Variants in MACROD2 observed in about 807,000 individuals in gnomAD.
MACROD2 encodes the protein ADP-ribose glycohydrolase MACROD2.
MACROD2 carries 36 observed loss-of-function variants against 70.4 expected under a neutral mutation model. The observed-to-expected ratio is 0.51, with a 90% CI of 0.39 to 0.68. The LOEUF (loss-of-function observed/expected upper bound fraction) is 0.68. Ranked by LOEUF, MACROD2 falls within the 30% of genes least tolerant of loss-of-function variation. MACROD2 has a pLI of 0.00. For synonymous variants in MACROD2, 172 were observed against 178.8 expected, an observed-to-expected ratio of 0.96 and a Z score of 0.30; for missense variants, 496 against 538.4, an observed-to-expected ratio of 0.92 and a Z score of 0.78.
In MACROD2 at chr20:15,891,561, T is replaced by C. The variant is rs1223969117; in HGVS notation, c.775+5750T>C. On this transcript the variant is annotated intron_variant, in intron 10 of 17. Coordinates refer to ENST00000684519, the MANE Select transcript of MACROD2 (RefSeq NM_001351661.2). ...GTTATGAGATGCTGGTCTGGGCTAC[T>C]GTGGTGATTCCAAAGGTTGAACACA... Among the ~76,000 whole-genome samples the C allele has an allele frequency of 3.9e-5, 6 of 152,206 alleles. No homozygotes were observed. The East Asian group carries it at 1.2e-3, about 29-fold the overall frequency.
chr20:15,850,467 C>T (rs960987794), intron 8 of MACROD2, among the ~76,000 whole-genome samples: 16 of 152,220 alleles, frequency 1.1e-4, no homozygotes, highest in African/African-American at 3.9e-4. Context: ...CTTAGACCCA[C>T]GGGAACATGA....
chr20:14,625,638 C>A (rs915643746), intron 4 of MACROD2, among the ~76,000 whole-genome samples: 1 of 152,158 alleles, frequency 6.6e-6, no homozygotes, highest in Non-Finnish European at 1.5e-5. Flanking sequence ...ACTGCTGTTG[C>A]CAAATGCCTA....
intron 5 of MACROD2, among the ~76,000 whole-genome samples, chr20:14,844,822 A>G (rs1029620100): frequency 2.6e-5 from 4 of 152,032 alleles, no homozygotes; most frequent in African/African-American, 9.7e-5. Flanking sequence ...TTCCCTGTGG[A>G]TTTTCTGAGT....
intron 3 of MACROD2, among the ~76,000 whole-genome samples, chr20:14,231,957 C>G (rs2081817706): frequency 6.6e-6 from 1 of 152,158 alleles, no homozygotes; most frequent in Admixed American, 6.5e-5. Context: ...AGTGTCTGTT[C>G]ATGTCCTTCT....
chr20:15,609,776 C>CA (rs1430497714), intron 8 of MACROD2, among the ~76,000 whole-genome samples: 3 of 152,166 alleles, frequency 2.0e-5, no homozygotes, highest in African/African-American at 7.2e-5. Flanking sequence ...AAAGGATCAG[C>CA]AGGGGTTAGG....
intron 5 of MACROD2, among the ~76,000 whole-genome samples, chr20:15,142,584 C>G (rs1282314161): frequency 6.6e-6 from 1 of 152,022 alleles, no homozygotes; most frequent in African/African-American, 2.4e-5. Flanking sequence ...CATATGTATA[C>G]ATGTGCCATG....
intron 7 of MACROD2, among the ~76,000 whole-genome samples, chr20:15,448,820 G>A (rs1485088332): frequency 6.6e-6 from 1 of 151,938 alleles, no homozygotes; most frequent in African/African-American, 2.4e-5. Context: ...TTTCTTATAG[G>A]ACATACAACC....
chr20:14,751,971 TG>T (rs1449225201), intron 5 of MACROD2, among the ~76,000 whole-genome samples: 2 of 152,040 alleles, frequency 1.3e-5, no homozygotes, highest in African/African-American at 4.8e-5. Context: ...CCTCTTCCTG[TG>T]GCTTCCATAA....
intron 8 of MACROD2, among the ~76,000 whole-genome samples, chr20:15,710,194 C>CAAAAAAA (rs67656339): frequency 1.4e-3 from 142 of 102,640 alleles, no homozygotes; most frequent in Non-Finnish European, 1.6e-3. Flanking sequence ...ATCAAAAAGA[C>CAAAAAAA]AAAAAAAAAA....
At chr20:14,984,465 G>T (rs1197512401) in intron 5 of MACROD2, among the ~76,000 whole-genome samples, 2 of 152,174 alleles carry the variant, frequency 1.3e-5, no homozygotes, top group Non-Finnish European at 2.9e-5. Context: ...GTGGGCGGAT[G>T]CTCCCCTTGC....
chr20:15,551,594 T>G (rs986217860), intron 8 of MACROD2, among the ~76,000 whole-genome samples: 6 of 152,130 alleles, frequency 3.9e-5, no homozygotes, highest in African/African-American at 1.4e-4. Context: ...CAGAATATTT[T>G]CAGGCTGGGC....
chr20:15,947,141 G>A (rs2065835829), intron 12 of MACROD2, among the ~76,000 whole-genome samples: 1 of 152,090 alleles, frequency 6.6e-6, no homozygotes, highest in Non-Finnish European at 1.5e-5. Context: ...GTTTTATACC[G>A]AGACATTCAG....
chr20:14,915,999 T>A (rs867804888), intron 5 of MACROD2, among the ~76,000 whole-genome samples: 1 of 152,178 alleles, frequency 6.6e-6, no homozygotes, highest in Admixed American at 6.5e-5. Context: ...TTCGGACTTA[T>A]TTTAAATTAC....
intron 13 of MACROD2, among the ~76,000 whole-genome samples, chr20:15,968,840 CACACAT>C (rs2066185791): frequency 1.0e-5 from 1 of 96,976 alleles, no homozygotes; most frequent in African/African-American, 3.8e-5. Context: ...TATATATATA[CACACAT>C]ATACATATGG....
intron 2 of MACROD2, among the ~76,000 whole-genome samples, chr20:14,055,808 T>C (rs1044973986): frequency 1.3e-5 from 2 of 152,022 alleles, no homozygotes; most frequent in African/African-American, 4.8e-5. Flanking sequence ...TGTAATTACC[T>C]GTTTACTTGT....
chr20:14,149,278 C>T (rs541571994), intron 3 of MACROD2, among the ~76,000 whole-genome samples: 4 of 150,838 alleles, frequency 2.7e-5, no homozygotes, highest in Non-Finnish European at 5.9e-5. Context: ...TATGTTAATT[C>T]GCTTAGGATA....
chr20:15,355,137 G>A (rs1231272276), intron 6 of MACROD2, among the ~76,000 whole-genome samples: 1 of 152,086 alleles, frequency 6.6e-6, no homozygotes, highest in African/African-American at 2.4e-5. Context: ...TAACCCACTG[G>A]AGTTGACATC....
At chr20:14,091,007 A>AT (rs944197211) in intron 3 of MACROD2, among the ~76,000 whole-genome samples, 20 of 151,344 alleles carry the variant, frequency 1.3e-4, no homozygotes, top group Non-Finnish European at 2.2e-4. Context: ...GGTGCTGAGC[A>AT]TTTTTTTTCA....
intron 3 of MACROD2, among the ~76,000 whole-genome samples, chr20:14,257,608 C>T (rs1001404654): frequency 2.6e-5 from 4 of 152,016 alleles, no homozygotes; most frequent in Non-Finnish European, 5.9e-5. Flanking sequence ...CACATGGTGG[C>T]CTCATAACCC....
Sources: gnomAD v4.1 joint callset for allele counts (sites outside exome capture counted in the v4.1 genomes callset) on GRCh38, gnomAD v4.1.1 for gene constraint, MANE v1.5 for transcripts, NCBI Gene and HGNC (gene_info 2026-07-23, HGNC 2026-07-21) for gene names.